The following PHKB variants were observed in gnomAD, a reference collection of about 807,000 sequenced individuals.
PHKB encodes the protein phosphorylase b kinase regulatory subunit beta.
A neutral mutation model predicts 152.1 loss-of-function variants in PHKB; 122 were observed. That is an observed-to-expected ratio of 0.80 (90% CI 0.69 to 0.93). PHKB has a LOEUF of 0.93. Among genes scored for constraint, PHKB ranks in the 40% least tolerant of loss-of-function variants. The probability of loss-of-function intolerance (pLI) is 0.00; values close to 1 mark genes in which losing one functional copy is unlikely to be tolerated. For missense variants in PHKB, 1,304 were observed against 1,328.4 expected, an observed-to-expected ratio of 0.98 and a Z score of 0.29; for synonymous variants, 436 against 464.9, an observed-to-expected ratio of 0.94 and a Z score of 0.80.
intron 1 of PHKB, among the ~76,000 whole-genome samples, chr16:47,483,498 C>CAATAA (rs1970001226): frequency 6.6e-6 from 1 of 152,104 alleles, no homozygotes; most frequent in Non-Finnish European, 1.5e-5. Context: ...AATAATGACC[C>CAATAA]TGAGTTTCTC....
chr16:47,499,800 T>C lies in PHKB; in HGVS notation c.211T>C (p.Phe71Leu). The C allele has an allele frequency of 1.9e-6, 3 of 1,614,188 alleles. No individual in the cohort carries two copies. The highest frequency in any genetic ancestry group is 2.5e-6 in the Non-Finnish European group (3 of 1,180,014). Residue 71 changes from phenylalanine to leucine, a missense_variant, in exon 3 of 31, where the codon TTT becomes CTT. By Grantham distance (22) the Phe-to-Leu change is conservative. Transcript: ENST00000323584. ...LLYQSPTTGL[F>L]PTKTCGGDQK... Reference sequence around the variant, plus strand: ...GTATCAAAGTCCAACTACCGGTCTCTTTCCCACTAAAACATGCGGTGGTGA... The same window carrying C: ...GTATCAAAGTCCAACTACCGGTCTCCTTCCCACTAAAACATGCGGTGGTGA...
chr16:47,668,564 C>G (rs1458235809), intron 25 of PHKB, among the ~76,000 whole-genome samples: 1 of 152,168 alleles, frequency 6.6e-6, no homozygotes, highest in Non-Finnish European at 1.5e-5. Context: ...CCAGCTTCAG[C>G]AGCATTCTGC....
At chr16:47,570,809 C>T (rs1328057711) in intron 7 of PHKB, among the ~76,000 whole-genome samples, 2 of 151,812 alleles carry the variant, frequency 1.3e-5, no homozygotes, top group Non-Finnish European at 2.9e-5. Flanking sequence ...GGATCCATTG[C>T]TGGAGAGTTA....
At chr16:47,682,607 G>T (rs1190384951) in intron 26 of PHKB, among the ~76,000 whole-genome samples, 1 of 152,150 alleles carries the variant, frequency 6.6e-6, no homozygotes, top group African/African-American at 2.4e-5. Flanking sequence ...TTGGCTTTCA[G>T]CTCCATCAGG....
At chr16:47,690,375 C>T (rs1974038628) in intron 27 of PHKB, among the ~76,000 whole-genome samples, 1 of 151,998 alleles carries the variant, frequency 6.6e-6, no homozygotes, top group African/African-American at 2.4e-5. Context: ...AATGACTCAA[C>T]CCAAGGACAA....
chr16:47,473,484 G>GT (rs1969816196), intron 1 of PHKB, among the ~76,000 whole-genome samples: 1 of 151,656 alleles, frequency 6.6e-6, no homozygotes, highest in African/African-American at 2.4e-5. Flanking sequence ...AATTGTTGCT[G>GT]TTTTTTATTT....
chr16:47,617,434 G>A (rs1159180556), intron 14 of PHKB, among the ~76,000 whole-genome samples: 1 of 151,814 alleles, frequency 6.6e-6, no homozygotes, highest in African/African-American at 2.4e-5. Context: ...CCATTAAGCA[G>A]TGACCCTCTT....
chr16:47,551,250 T>C, intron 7 of PHKB, among the ~76,000 whole-genome samples: 1 of 152,180 alleles, frequency 6.6e-6, no homozygotes, highest in South Asian at 2.1e-4. Context: ...TCTTGTCTTC[T>C]GCTAGCTTTT....
intron 7 of PHKB, among the ~76,000 whole-genome samples, chr16:47,551,073 C>G (rs891069950): frequency 1.3e-4 from 20 of 152,220 alleles, no homozygotes; most frequent in African/African-American, 4.3e-4. Flanking sequence ...TCTCCTTTAT[C>G]ATTTTTTATT....
At chr16:47,632,997 C>G (rs2151721794) in intron 14 of PHKB, among the ~76,000 whole-genome samples, 1 of 152,252 alleles carries the variant, frequency 6.6e-6, no homozygotes, top group East Asian at 1.9e-4. Context: ...AGTTCCTCTT[C>G]CACCGTACAC....
Position 47,500,500 on chromosome 16 carries a change from G to C in PHKB, c.305+606G>C, listed in dbSNP as rs1194076462. 3.3e-5 allele frequency among the ~76,000 whole-genome samples: 5 copies of C among 152,144 alleles called. No homozygotes were observed. The East Asian group carries it at 7.7e-4, about 23-fold the overall frequency. On this transcript the variant is annotated intron_variant, in intron 3 of 30. Coordinates refer to ENST00000323584, the MANE Select transcript of PHKB (RefSeq NM_000293.3). Reference sequence around the variant, plus strand: ...TGTTGATTGGTTTCAATAATGGAGAGAACTGATGATGACTAAATGTTGCAG... The same window carrying C: ...TGTTGATTGGTTTCAATAATGGAGACAACTGATGATGACTAAATGTTGCAG...
intron 25 of PHKB, 48 bp downstream of exon 25, chr16:47,665,023 CT>C: frequency 8.6e-7 from 1 of 1,160,658 alleles, no homozygotes; most frequent in Non-Finnish European, 1.3e-6. Context: ...AATGTGTGGG[CT>C]TATTTGCACT....
chr16:47,683,616 C>T (rs192137403), intron 26 of PHKB, among the ~76,000 whole-genome samples: 136 of 152,260 alleles, frequency 8.9e-4, no homozygotes, highest in Non-Finnish European at 1.7e-3. Flanking sequence ...ATTGGAAAAG[C>T]GCAGTATTAG....
At chr16:47,601,084 G>A (rs1418405631) in intron 13 of PHKB, among the ~76,000 whole-genome samples, 4 of 152,180 alleles carry the variant, frequency 2.6e-5, no homozygotes, top group Non-Finnish European at 5.9e-5. Context: ...AGCCATGATG[G>A]TGCATGGCTG....
chr16:47,683,277 ACT>A (rs1483206096), intron 26 of PHKB, among the ~76,000 whole-genome samples: 1 of 151,830 alleles, frequency 6.6e-6, no homozygotes, highest in East Asian at 1.9e-4. Context: ...GAGAACCACT[ACT>A]CTCTTCAAAG....
chr16:47,643,126 T>G (rs1474299755), intron 16 of PHKB, among the ~76,000 whole-genome samples: 1 of 152,210 alleles, frequency 6.6e-6, no homozygotes, highest in African/African-American at 2.4e-5. Flanking sequence ...ATTTTAATAG[T>G]AGGTGAGTTT....
In PHKB at chr16:47,652,923, A is replaced by G. The variant is rs558775228; in HGVS notation, c.1971+2002A>G. Among the ~76,000 whole-genome samples, 6 of 151,930 alleles carry G rather than the reference A, an allele frequency of 3.9e-5. 1 individual carries two copies. The highest frequency in any genetic ancestry group is 4.2e-4 in the South Asian group (2 of 4,808). ...CTCCCGAAGTGCTAGGATTACAGGC[A>G]TAAGCCACTGCAACCAACCTCATTG... is the stretch of plus-strand genomic sequence containing the variant. On this transcript the variant is annotated intron_variant, in intron 20 of 30. Transcript: ENST00000323584.
intron 13 of PHKB, chr16:47,597,707 G>A (rs374068333): frequency 4.5e-5 from 5 of 110,352 alleles, no homozygotes; most frequent in East Asian, 2.4e-4. Flanking sequence ...TAGTGATTCC[G>A]CTTTTAATTT....
At chr16:47,485,172 G>T (rs1340528849) in intron 1 of PHKB, among the ~76,000 whole-genome samples, 1 of 152,144 alleles carries the variant, frequency 6.6e-6, no homozygotes, top group Non-Finnish European at 1.5e-5. Flanking sequence ...TTCATTGAAT[G>T]AAGGTGTCAT....
Sources: gnomAD v4.1 joint callset for allele counts (sites outside exome capture counted in the v4.1 genomes callset) on GRCh38, gnomAD v4.1.1 for gene constraint, MANE v1.5 for transcripts, NCBI Gene and HGNC (gene_info 2026-07-23, HGNC 2026-07-21) for gene names.